The following DCC variants were observed in gnomAD, a reference collection of about 807,000 sequenced individuals.
The protein encoded by DCC is netrin receptor DCC.
DCC carries 58 observed loss-of-function variants against 172.5 expected under a neutral mutation model. The ratio of observed to expected loss-of-function variants is 0.34; its 90% confidence interval spans 0.27 to 0.42. The LOEUF is 0.42. Ranked by LOEUF, DCC falls within the 10% of genes least tolerant of loss-of-function variation. The pLI, the probability that DCC is intolerant of heterozygous loss-of-function variation, is 1.00. For synonymous variants in DCC, 709 were observed against 644.5 expected, an observed-to-expected ratio of 1.10 and a Z score of -1.52; for missense variants, 1,740 against 1,791.0, an observed-to-expected ratio of 0.97 and a Z score of 0.51.
intron 2 of DCC, among the ~76,000 whole-genome samples, chr18:52,873,800 G>A (rs1405312229): frequency 1.3e-5 from 2 of 152,154 alleles, no homozygotes; most frequent in South Asian, 4.1e-4. Context: ...GTATAGATGA[G>A]GGAAGGAAAG....
intron 21 of DCC, among the ~76,000 whole-genome samples, chr18:53,423,959 G>A (rs1300999674): frequency 6.6e-6 from 1 of 151,606 alleles, no homozygotes; most frequent in Non-Finnish European, 1.5e-5. Flanking sequence ...AAGTAATAGT[G>A]CACATGGCTG....
rs1204475550 is a variant in DCC, at chr18:53,157,560, A to G, written c.1418+48A>G. 1.9e-6 allele frequency: 3 copies of G among 1,599,602 alleles called. No individual in the cohort carries two copies. The South Asian group carries it at 3.3e-5, about 18-fold the overall frequency. ...TTCAGCTTAATCGGTCATCTCTTTAAGTCAATACGGTTGGGTAATGGCAGG... is the reference window on the plus strand; with the variant it reads ...TTCAGCTTAATCGGTCATCTCTTTAGGTCAATACGGTTGGGTAATGGCAGG... On this transcript the variant is annotated intron_variant, in intron 8 of 28. Transcript: ENST00000442544.
chr18:53,318,338 C>CT (rs1453482402), intron 13 of DCC, among the ~76,000 whole-genome samples: 4 of 152,164 alleles, frequency 2.6e-5, no homozygotes, highest in Non-Finnish European at 5.9e-5. Context: ...GCACTGTGGT[C>CT]TAAGAGACTA....
rs1276168092 is a variant in DCC, at chr18:53,530,726, C to T, written c.*73C>T. 2 of 838,356 alleles carry T rather than the reference C, an allele frequency of 2.4e-6. No homozygotes were observed. Among genetic ancestry groups the T allele is most frequent in the Middle Eastern group, 4.4e-4 (2 of 4,544 alleles). 51.9% of individuals were successfully genotyped at this position (838,356 alleles called of 1,614,324 possible). ...ATACCAATTACCCATAAACAGCACA[C>T]CTGTGTCCAAGAACTCTAACCAGTG... On this transcript the variant is annotated 3_prime_UTR_variant, in exon 29 of 29. Transcript: ENST00000442544.
chr18:52,526,889 C>T (rs564157158), intron 1 of DCC, among the ~76,000 whole-genome samples: 2 of 152,276 alleles, frequency 1.3e-5, no homozygotes, highest in South Asian at 4.1e-4. Context: ...GTATTAATCT[C>T]ATGGGTAATT....
chr18:53,131,716 T>C (rs1162640256), intron 7 of DCC, among the ~76,000 whole-genome samples: 1 of 152,052 alleles, frequency 6.6e-6, no homozygotes, highest in Non-Finnish European at 1.5e-5. Context: ...GACAGTCAAA[T>C]AAAGAGATGA....
chr18:53,486,648 A>AT, intron 25 of DCC, 149 bp from the exon 26 acceptor site: 1 of 949,940 alleles, frequency 1.1e-6, no homozygotes, highest in Non-Finnish European at 1.6e-6. Flanking sequence ...AAAAAGTGGG[A>AT]TTGGTGGAGA....
intron 1 of DCC, among the ~76,000 whole-genome samples, chr18:52,549,993 A>T (rs1490493958): frequency 6.6e-6 from 1 of 152,028 alleles, no homozygotes; most frequent in African/African-American, 2.4e-5. Flanking sequence ...AAGACCAAAA[A>T]AAGTAACTTT....
chr18:53,205,443 A>G lies in DCC; in HGVS notation c.1722+79A>G, dbSNP rs1314388960. ...TGGATAGCTCTAGGGCTGGAGAAAT[A>G]GGAAAAGACTCGCAAACTCTTGAAA... is the stretch of plus-strand genomic sequence containing the variant. On this transcript the variant is annotated intron_variant, in intron 10 of 28. Coordinates refer to ENST00000442544, the MANE Select transcript of DCC (RefSeq NM_005215.4). The G allele has an allele frequency of 3.5e-6, 5 of 1,444,022 alleles. No homozygotes were observed. The African/African-American group carries it at 7.0e-5, about 20-fold the overall frequency. The allele number at this position is 1,444,022 out of a possible 1,614,324, so 89.5% of individuals were successfully genotyped here.
chr18:53,158,235 G>A (rs1444939820), intron 8 of DCC, among the ~76,000 whole-genome samples: 1 of 152,198 alleles, frequency 6.6e-6, no homozygotes, highest in African/African-American at 2.4e-5. Flanking sequence ...TCAGTGTCCA[G>A]TACTTGGTAG....
chr18:52,437,578 C>A (rs755088677), intron 1 of DCC, among the ~76,000 whole-genome samples: 8 of 152,150 alleles, frequency 5.3e-5, no homozygotes, highest in Non-Finnish European at 1.0e-4. Flanking sequence ...GCATATTCTG[C>A]AGATAGGATT....
intron 22 of DCC, among the ~76,000 whole-genome samples, chr18:53,447,863 G>A (rs1912711783): frequency 6.6e-6 from 1 of 152,050 alleles, no homozygotes; most frequent in Admixed American, 6.5e-5. Context: ...ATTCTTTTAT[G>A]GTAAGTGTAA....
intron 11 of DCC, among the ~76,000 whole-genome samples, chr18:53,212,083 G>C (rs2055761851): frequency 6.6e-6 from 1 of 152,070 alleles, no homozygotes; most frequent in Admixed American, 6.6e-5. Flanking sequence ...TATAAATTCT[G>C]TGTACATGGC....
chr18:53,295,443 CA>C (rs1171382763), intron 12 of DCC, among the ~76,000 whole-genome samples: 6 of 152,056 alleles, frequency 3.9e-5, no homozygotes, highest in Admixed American at 6.6e-5. Flanking sequence ...AAATTGTTTA[CA>C]AATACACATA....
intron 5 of DCC, among the ~76,000 whole-genome samples, chr18:53,029,770 A>G (rs569376177): frequency 1.3e-5 from 2 of 152,240 alleles, no homozygotes; most frequent in South Asian, 4.1e-4. Flanking sequence ...CAACAGTCCC[A>G]TGTGGCTTGG....
At chr18:53,326,384 T>C (rs2057468643) in intron 14 of DCC, among the ~76,000 whole-genome samples, 1 of 152,170 alleles carries the variant, frequency 6.6e-6, no homozygotes, top group Non-Finnish European at 1.5e-5. Flanking sequence ...AAATTGATAA[T>C]ACCAAAGGCC....
At chr18:53,308,199 T>C (rs1292585624) in intron 13 of DCC, among the ~76,000 whole-genome samples, 2 of 151,662 alleles carry the variant, frequency 1.3e-5, no homozygotes, top group African/African-American at 2.4e-5. Context: ...TATCTTGGAA[T>C]ACTATATGTC....
intron 2 of DCC, among the ~76,000 whole-genome samples, chr18:52,772,931 C>G (rs1054371254): frequency 6.6e-6 from 1 of 152,058 alleles, no homozygotes; most frequent in African/African-American, 2.4e-5. Flanking sequence ...TTTTCATTGC[C>G]AAGAAAATAA....
intron 8 of DCC, among the ~76,000 whole-genome samples, chr18:53,171,025 C>T (rs1365099602): frequency 6.6e-6 from 1 of 152,126 alleles, no homozygotes; most frequent in African/African-American, 2.4e-5. Context: ...GCTAGAATTA[C>T]AGGCTCATGC....
Sources: gnomAD v4.1 joint callset for allele counts (sites outside exome capture counted in the v4.1 genomes callset) on GRCh38, gnomAD v4.1.1 for gene constraint, MANE v1.5 for transcripts, NCBI Gene and HGNC (gene_info 2026-07-23, HGNC 2026-07-21) for gene names.